RAPGEF1: variants seen among roughly 807,000 people sequenced by gnomAD.
RAPGEF1 encodes the protein Rap guanine nucleotide exchange factor 1, also known as CRK SH3-binding GNRP.
RAPGEF1 carries 33 observed loss-of-function variants against 143.3 expected under a neutral mutation model. The observed-to-expected ratio is 0.23, with a 90% CI of 0.17 to 0.31. The LOEUF (loss-of-function observed/expected upper bound fraction) is 0.31, where lower values mean the gene tolerates loss of function less well. Among genes scored for constraint, RAPGEF1 ranks in the 10% least tolerant of loss-of-function variants. RAPGEF1 has a pLI of 1.00. For missense variants in RAPGEF1, 1,199 were observed against 1,645.4 expected (o/e 0.73, Z 4.69); for synonymous variants, 629 against 676.5 (o/e 0.93, Z 1.09).
In RAPGEF1 at chr9:131,578,124, A is replaced by G. The variant is rs573487125; in HGVS notation, c.*1373T>C. ...ATTCATGCACAGCAGACCCGGAGGC[A>G]TGGGCTGGGGCAGCACAACTGGGTT... is the stretch of plus-strand genomic sequence containing the variant. On this transcript the variant is annotated 3_prime_UTR_variant, in exon 27 of 27. Coordinates refer to ENST00000683357, the MANE Select transcript of RAPGEF1 (RefSeq NM_001377935.1). 6.6e-6 allele frequency: 1 copy of G among 152,404 alleles called. No homozygotes were observed. The highest frequency in any genetic ancestry group is 1.5e-5 in the Non-Finnish European group (1 of 68,070). The allele number at this position is 152,404 out of a possible 1,614,324, so 9.4% of individuals were successfully genotyped here. A position where few individuals can be genotyped will look rare whatever the true frequency, so the allele number is the denominator to read the frequency against.
At chr9:131,599,380 CAA>C in intron 15 of RAPGEF1, among the ~76,000 whole-genome samples, 1 of 151,064 alleles carries the variant, frequency 6.6e-6, no homozygotes, top group East Asian at 1.9e-4. Context: ...TTTGGCCTCT[CAA>C]AGTGTTAAGA....
chr9:131,650,031 TAA>T lies in RAPGEF1; in HGVS notation c.315+96_315+97del, dbSNP rs1970691573. 1.0e-6 allele frequency: 1 copy of T among 956,804 alleles called. No individual in the cohort carries two copies. Among genetic ancestry groups the T allele is most frequent in the Non-Finnish European group, 1.6e-6 (1 of 634,762 alleles). 59.3% of individuals were successfully genotyped at this position (956,804 alleles called of 1,614,324 possible). On this transcript the variant is annotated intron_variant, in intron 3 of 26. Transcript: ENST00000683357. The surrounding 1 kb of genome is among the most constrained non-coding windows in gnomAD (Gnocchi z 4.7). Reference sequence around the variant, plus strand: ...ACGGTCACCACCCAGTTGAACATAATAATAGTGCAATAGAGTTTTTTCCATCC... The same window carrying T: ...ACGGTCACCACCCAGTTGAACATAATTAGTGCAATAGAGTTTTTTCCATCC...
In RAPGEF1 at chr9:131,621,649, G is replaced by C. The variant is rs1961073542; in HGVS notation, c.1905+147C>G. 1.3e-6 allele frequency: 1 copy of C among 772,016 alleles called. No homozygotes were observed. The highest frequency in any genetic ancestry group is 2.1e-6 in the Non-Finnish European group (1 of 480,682). 47.8% of individuals were successfully genotyped at this position (772,016 alleles called of 1,614,324 possible). A position where few individuals can be genotyped will look rare whatever the true frequency, so the allele number is the denominator to read the frequency against. On this transcript the variant is annotated intron_variant, in intron 11 of 26. Coordinates refer to ENST00000683357, the MANE Select transcript of RAPGEF1 (RefSeq NM_001377935.1). This position sits in a 1 kb window ranked among gnomAD's most constrained non-coding sequence, Gnocchi z 4.5. Reference sequence around the variant, plus strand: ...ATCTAAGGAGGAAGTAAAAGCATCTGTGTGGGAGATGGTGCCTTCCACGCC... The same window carrying C: ...ATCTAAGGAGGAAGTAAAAGCATCTCTGTGGGAGATGGTGCCTTCCACGCC...
intron 1 of RAPGEF1, among the ~76,000 whole-genome samples, chr9:131,726,641 A>G (rs1439045732): frequency 2.2e-5 from 3 of 137,556 alleles, no homozygotes; most frequent in African/African-American, 5.2e-5. Context: ...AAAAAAAAAG[A>G]AAGGAAGCAG....
At chr9:131,596,714 C>A (rs1955358229) in intron 16 of RAPGEF1, among the ~76,000 whole-genome samples, 1 of 152,130 alleles carries the variant, frequency 6.6e-6, no homozygotes, top group Non-Finnish European at 1.5e-5. Flanking sequence ...GCTCACCAAA[C>A]CACAAGTCAG....
chr9:131,660,666 G>A (rs184496947), intron 1 of RAPGEF1, among the ~76,000 whole-genome samples: 2 of 152,312 alleles, frequency 1.3e-5, no homozygotes, highest in Non-Finnish European at 2.9e-5. Flanking sequence ...AGGGATGGAC[G>A]GCATGGGAAG....
In RAPGEF1 at chr9:131,596,283, T is replaced by C; in HGVS notation, c.2689+15A>G. 1 of 1,613,312 alleles carries C rather than the reference T, an allele frequency of 6.2e-7. No homozygotes were observed. The highest frequency in any genetic ancestry group is 8.5e-7 in the Non-Finnish European group (1 of 1,179,354). ...CAGGACCAGCCCCAATCTAGTGAGC[T>C]CACTGACACCCTACCTTTCCTGTCA... On this transcript the variant is annotated intron_variant, in intron 17 of 26. Coordinates refer to ENST00000683357, the MANE Select transcript of RAPGEF1 (RefSeq NM_001377935.1).
chr9:131,647,025 T>C (rs1969841336), intron 3 of RAPGEF1, among the ~76,000 whole-genome samples: 2 of 152,242 alleles, frequency 1.3e-5, no homozygotes, highest in South Asian at 4.1e-4. Flanking sequence ...AGATGGGGCA[T>C]TAACACCTCC....
intron 1 of RAPGEF1, among the ~76,000 whole-genome samples, chr9:131,693,452 G>A (rs1442373736): frequency 6.6e-6 from 1 of 151,998 alleles, no homozygotes; most frequent in Non-Finnish European, 1.5e-5. Flanking sequence ...GAAATCAGGA[G>A]AGAGAGAGAA....
Position 131,667,082 on chromosome 9 carries a change from C to T in RAPGEF1, c.62-16133G>A, listed in dbSNP as rs541680148. ...TCGGCTCACTGCCATCTCCATCTCACGGGTTCAAGTGATTCTCCTGCCTTG... is the reference window on the plus strand; with the variant it reads ...TCGGCTCACTGCCATCTCCATCTCATGGGTTCAAGTGATTCTCCTGCCTTG... On this transcript the variant is annotated intron_variant, in intron 1 of 26. Transcript: ENST00000683357. The surrounding 1 kb of genome is among the most constrained non-coding windows in gnomAD (Gnocchi z 4.6). Among the ~76,000 whole-genome samples, 3 of 152,056 alleles carry T rather than the reference C, an allele frequency of 2.0e-5. No individual in the cohort carries two copies. The highest frequency in any genetic ancestry group is 4.2e-4 in the South Asian group (2 of 4,816).
chr9:131,608,341 C>A (rs190474179), intron 12 of RAPGEF1, among the ~76,000 whole-genome samples: 1 of 152,168 alleles, frequency 6.6e-6, no homozygotes, highest in African/African-American at 2.4e-5. Context: ...TTTGCTGATA[C>A]GTATTTTAGT....
chr9:131,633,115 C>A (rs1472788804), intron 5 of RAPGEF1, among the ~76,000 whole-genome samples: 1 of 152,164 alleles, frequency 6.6e-6, no homozygotes, highest in African/African-American at 2.4e-5. Context: ...TCTCTAAGAG[C>A]CAAGTACTAG....
At chr9:131,716,729 C>T (rs555485361) in intron 1 of RAPGEF1, among the ~76,000 whole-genome samples, 4 of 152,256 alleles carry the variant, frequency 2.6e-5, no homozygotes, top group South Asian at 4.1e-4. Flanking sequence ...GCCAAGATCG[C>T]GCCATTGCAC....
At chr9:131,640,730 G>A (rs1967687242) in intron 4 of RAPGEF1, among the ~76,000 whole-genome samples, 1 of 152,158 alleles carries the variant, frequency 6.6e-6, no homozygotes, top group Non-Finnish European at 1.5e-5. Flanking sequence ...GGGCGGCAAA[G>A]GGCCTGTTTG....
intron 1 of RAPGEF1, among the ~76,000 whole-genome samples, chr9:131,729,889 C>T (rs1256902273): frequency 6.6e-6 from 1 of 152,152 alleles, no homozygotes; most frequent in African/African-American, 2.4e-5. Flanking sequence ...TGGGCAACTC[C>T]ATACTTATGA....
intron 1 of RAPGEF1, among the ~76,000 whole-genome samples, chr9:131,651,710 GAACA>G (rs1280699771): frequency 6.6e-6 from 1 of 152,152 alleles, no homozygotes; most frequent in Non-Finnish European, 1.5e-5. Flanking sequence ...CTAAGAAAGT[GAACA>G]AACCCACAGG....
chr9:131,692,783 C>A (rs545667569), intron 1 of RAPGEF1, among the ~76,000 whole-genome samples: 1 of 152,210 alleles, frequency 6.6e-6, no homozygotes, highest in Admixed American at 6.5e-5. Flanking sequence ...GATGAAAAAA[C>A]GGATCTGTCA....
intron 1 of RAPGEF1, among the ~76,000 whole-genome samples, chr9:131,689,607 C>T (rs1335553650): frequency 2.0e-5 from 3 of 151,770 alleles, no homozygotes; most frequent in Non-Finnish European, 4.4e-5. Flanking sequence ...GCTGTGACCT[C>T]GGCCCACTGC....
At chr9:131,615,564 G>A (rs1473817300) in intron 12 of RAPGEF1, among the ~76,000 whole-genome samples, 3 of 152,206 alleles carry the variant, frequency 2.0e-5, no homozygotes, top group African/African-American at 4.8e-5. Flanking sequence ...GTCCAGGCCC[G>A]GCAGAGCCTG....
Sources: gnomAD v4.1 joint callset for allele counts (sites outside exome capture counted in the v4.1 genomes callset) on GRCh38, gnomAD v4.1.1 for gene constraint, Gnocchi (gnomAD v3.1) non-coding constraint, MANE v1.5 for transcripts, NCBI Gene and HGNC (gene_info 2026-07-23, HGNC 2026-07-21) for gene names.